KATNIP: variants seen among roughly 807,000 people sequenced by gnomAD.
KATNIP encodes the protein katanin interacting protein.
KATNIP carries 126 observed loss-of-function variants against 174.0 expected under a neutral mutation model. That is an observed-to-expected ratio of 0.72 (90% CI 0.63 to 0.84). The LOEUF is 0.84. KATNIP is among the 40% of genes least tolerant of loss of function. The pLI is 0.00. For synonymous variants in KATNIP, 810 were observed against 835.7 expected (o/e 0.97, Z 0.53); for missense variants, 1,958 against 2,109.7 (o/e 0.93, Z 1.41).
At chr16:27,761,219 T>C (rs2081943158) in intron 18 of KATNIP, among the ~76,000 whole-genome samples, 194 bp from the exon 19 acceptor site, 2 of 152,152 alleles carry the variant, frequency 1.3e-5, no homozygotes, top group Non-Finnish European at 2.9e-5. Flanking sequence ...TTACCGTTGT[T>C]TCCTGAGCAC....
intron 1 of KATNIP, among the ~76,000 whole-genome samples, chr16:27,571,987 G>GGT (rs368600782): frequency 0.013 from 1,901 of 150,750 alleles, 46 homozygotes; most frequent in African/African-American, 0.042. Flanking sequence ...AAATCCTGGG[G>GGT]GTGTGTGTGT....
chr16:27,741,325 C>G (rs976799314), intron 15 of KATNIP, among the ~76,000 whole-genome samples: 1 of 152,140 alleles, frequency 6.6e-6, no homozygotes, highest in African/African-American at 2.4e-5. Flanking sequence ...GTAATCCCAG[C>G]ACTTTGGGAG....
intron 13 of KATNIP, among the ~76,000 whole-genome samples, chr16:27,712,671 C>T (rs1339277258): frequency 1.3e-5 from 2 of 152,316 alleles, no homozygotes; most frequent in East Asian, 3.9e-4. Context: ...TCATTGGCTG[C>T]ATCCCAGCAC....
At chr16:27,609,239 G>A (rs1488844185) in intron 2 of KATNIP, among the ~76,000 whole-genome samples, 5 of 152,126 alleles carry the variant, frequency 3.3e-5, no homozygotes, top group African/African-American at 1.2e-4. Flanking sequence ...AATAAAAGGT[G>A]TAATAAGTAA....
At chr16:27,605,264 G>A (rs2075664086) in intron 2 of KATNIP, among the ~76,000 whole-genome samples, 1 of 152,172 alleles carries the variant, frequency 6.6e-6, no homozygotes, top group African/African-American at 2.4e-5. Context: ...ATCTTTGTGA[G>A]TCTGAAAGAT....
chr16:27,748,881 C>T (rs1230959470), intron 15 of KATNIP, among the ~76,000 whole-genome samples: 1 of 152,166 alleles, frequency 6.6e-6, no homozygotes, highest in Non-Finnish European at 1.5e-5. Context: ...TCCTGCTCCC[C>T]ACCCAGAAAC....
rs1423095332 is a variant in KATNIP at position 27,603,618 on chromosome 16, C to CT, written c.64-14801dup. ...TTCTTCTGCCCCTTCCTACTTTCTT[C>CT]TTTTTTAGAGATGGCATCTCACTAT... is the stretch of plus-strand genomic sequence containing the variant. On this transcript the variant is annotated intron_variant, in intron 2 of 27. Coordinates refer to ENST00000261588, the MANE Select transcript of KATNIP (RefSeq NM_015202.5). Among the ~76,000 whole-genome samples, 3 of 151,910 alleles carry CT rather than the reference C, an allele frequency of 2.0e-5. No individual in the cohort carries two copies. The East Asian group carries it at 5.8e-4, about 29-fold the overall frequency.
intron 13 of KATNIP, among the ~76,000 whole-genome samples, chr16:27,719,035 T>C (rs1423732257): frequency 6.6e-6 from 1 of 152,124 alleles, no homozygotes; most frequent in Admixed American, 6.5e-5. Flanking sequence ...TGTTCTCAAA[T>C]GCAGGGTGAT....
chr16:27,749,424 G>A (rs959131692), intron 15 of KATNIP, among the ~76,000 whole-genome samples, 160 bp from the exon 16 acceptor site: 1 of 152,156 alleles, frequency 6.6e-6, no homozygotes, highest in African/African-American at 2.4e-5. Flanking sequence ...AGGCCTCTTG[G>A]CTAAGGAGAC....
chr16:27,621,362 A>G (rs2076189455), intron 3 of KATNIP, among the ~76,000 whole-genome samples: 1 of 152,122 alleles, frequency 6.6e-6, no homozygotes, highest in Non-Finnish European at 1.5e-5. Flanking sequence ...TGTAATCAAA[A>G]TCGACTATTC....
chr16:27,640,248 G>A (rs1016055081), intron 5 of KATNIP, among the ~76,000 whole-genome samples: 2 of 152,234 alleles, frequency 1.3e-5, no homozygotes, highest in Non-Finnish European at 2.9e-5. Flanking sequence ...AGGTCTGGGT[G>A]CTGCAAGTAG....
Position 27,770,008 on chromosome 16 carries a change from C to A in KATNIP, c.4123C>A (p.Pro1375Thr). The A allele has an allele frequency of 1.2e-6, 2 of 1,613,600 alleles. No homozygotes were observed. Among genetic ancestry groups the A allele is most frequent in the Non-Finnish European group, 1.7e-6 (2 of 1,179,548 alleles). The change falls in exon 21 of 28, where the codon CCG (proline) becomes ACG (threonine). Residue 1375 changes from proline (P) to threonine (T), a missense_variant. Physicochemically the swap from Pro to Thr is conservative, Grantham distance 38. Transcript: ENST00000261588. ...DYLRAQLLPQ[P>T]ARRLDMRSLE... The stretch of plus-strand genomic sequence containing the variant: ...CCTACGGGCTCAGCTGCTGCCCCAG[C>A]CGGCCAGGAGGTGAGGAGAAAGTGG...
Position 27,740,798 on chromosome 16 carries a change from A to C in KATNIP, c.2501A>C (p.His834Pro), listed in dbSNP as rs1290889840. Reference protein sequence around the residue: ...ERPQRATTKVHSDDSDIFNQP... With the variant: ...ERPQRATTKVPSDDSDIFNQP... ...CCCCAGAGGGCAACCACCAAAGTCC[A>C]CAGTGATGACTCAGACATCTTTAAC... The change falls in exon 15 of 28, where the codon CAC (histidine) becomes CCC (proline). Residue 834 changes from histidine (H) to proline (P), a missense_variant. By Grantham distance (77) the His-to-Pro change is moderately conservative. This residue lies in a region of KATNIP where 1,557 missense variants were observed against 1,617.8 expected (regional missense o/e 0.96). Transcript: ENST00000261588. The C allele has an allele frequency of 7.4e-6, 12 of 1,614,068 alleles. No homozygotes were observed. Among genetic ancestry groups the C allele is most frequent in the Non-Finnish European group, 1.0e-5 (12 of 1,180,024 alleles).
intron 12 of KATNIP, chr16:27,708,493 A>G: frequency 2.0e-6 from 1 of 496,418 alleles, no homozygotes; most frequent in Non-Finnish European, 3.5e-6. Flanking sequence ...CCAGTTACAC[A>G]GGGCCTCTAT....
At chr16:27,577,193 A>G (rs1401454293) in intron 2 of KATNIP, among the ~76,000 whole-genome samples, 4 of 152,242 alleles carry the variant, frequency 2.6e-5, no homozygotes, top group Admixed American at 2.0e-4. Flanking sequence ...TAAAATGGTT[A>G]AATCCACATT....
chr16:27,565,757 C>T (rs1407425928), intron 1 of KATNIP, among the ~76,000 whole-genome samples: 2 of 149,432 alleles, frequency 1.3e-5, no homozygotes, highest in African/African-American at 2.5e-5. Context: ...GCACTCTAGC[C>T]GGGACAGCAG....
chr16:27,683,181 G>C (rs2078408981), intron 8 of KATNIP, among the ~76,000 whole-genome samples: 1 of 152,324 alleles, frequency 6.6e-6, no homozygotes, highest in African/African-American at 2.4e-5. Context: ...GTTGGGATCT[G>C]TGCATGCACA....
rs757872857 is a variant in KATNIP at position 27,621,443 on chromosome 16, A to G, written c.140+2942A>G. ...GCAGGTACTTCACTTGCAGTGGCCAAGACAGCCAGGAAAAGCCCCTACGTA... is the reference window on the plus strand; with the variant it reads ...GCAGGTACTTCACTTGCAGTGGCCAGGACAGCCAGGAAAAGCCCCTACGTA... On this transcript the variant is annotated intron_variant, in intron 3 of 27. Transcript: ENST00000261588. Among the ~76,000 whole-genome samples the G allele has an allele frequency of 4.3e-4, 66 of 152,158 alleles. 1 individual carries two copies. Among genetic ancestry groups the G allele is most frequent in the Non-Finnish European group, 8.7e-4 (59 of 68,032 alleles).
intron 8 of KATNIP, among the ~76,000 whole-genome samples, chr16:27,683,520 G>A (rs758479744): frequency 1.6e-4 from 24 of 152,184 alleles, no homozygotes; most frequent in Middle Eastern, 3.4e-3. Flanking sequence ...AACCCCTGTC[G>A]GCATGTCAAG....
Sources: allele counts gnomAD v4.1 joint callset (sites outside exome capture counted in the v4.1 genomes callset), GRCh38; gene constraint gnomAD v4.1.1; regional missense constraint gnomAD v4.1.1; transcripts MANE v1.5; gene names NCBI Gene and HGNC (gene_info 2026-07-23, HGNC 2026-07-21).